The following DNAI7 variants were observed in gnomAD, a reference collection of about 807,000 sequenced individuals.
The protein encoded by DNAI7 is dynein axonemal intermediate chain 7, also known as cancer susceptibility 1.
In DNAI7, 78 loss-of-function variants were observed where a neutral mutation model predicts 86.6. The ratio of observed to expected loss-of-function variants is 0.90; its 90% CI spans 0.75 to 1.09. The LOEUF (loss-of-function observed/expected upper bound fraction) is 1.09, where lower values mean the gene tolerates loss of function less well. DNAI7 is among the 50% of genes least tolerant of loss of function. The pLI, the probability that DNAI7 is intolerant of heterozygous loss-of-function variation, is 0.00. For synonymous variants in DNAI7, 274 were observed against 273.0 expected (o/e 1.00, Z -0.04); for missense variants, 753 against 810.2 (o/e 0.93, Z 0.86).
downstream of DNAI7, chr12:25,107,137 A>G: frequency 1.7e-6 from 1 of 572,416 alleles, no homozygotes; most frequent in Non-Finnish European, 2.9e-6. Flanking sequence ...TAATCAAATT[A>G]CTAAAAGACA....
chr12:25,108,145 T>A, downstream of DNAI7: 2 of 1,466,160 alleles, frequency 1.4e-6, no homozygotes, highest in Non-Finnish European at 9.3e-7. Context: ...GCTGGGAAAG[T>A]ATAGCATGAA....
At chr12:25,174,297 T>A (rs995086342) in intron 2 of DNAI7, among the ~76,000 whole-genome samples, 1 of 142,310 alleles carries the variant, frequency 7.0e-6, no homozygotes, top group African/African-American at 2.6e-5. Context: ...GTCCCAGCTA[T>A]TTATCTTTGT....
intron 2 of DNAI7, among the ~76,000 whole-genome samples, chr12:25,164,115 C>T (rs771735985): frequency 8.5e-5 from 13 of 152,174 alleles, no homozygotes; most frequent in Non-Finnish European, 1.8e-4. Context: ...ACCCCCAACC[C>T]CTTCTCTCCG....
Position 25,158,485 on chromosome 12 carries a change from C to G in DNAI7, c.185G>C (p.Arg62Pro), listed in dbSNP as rs767225323. 2.5e-6 allele frequency: 4 copies of G among 1,611,650 alleles called. No individual in the cohort carries two copies. Among genetic ancestry groups the G allele is most frequent in the Admixed American group, 3.3e-5 (2 of 59,868 alleles). The change falls in exon 4 of 16, where the codon CGA becomes CCA. Residue 62 changes from arginine to proline, a missense_variant. Coordinates refer to ENST00000395987, the MANE Select transcript of DNAI7 (RefSeq NM_018272.5). ...ATGTTTATTTACTTTTGCTTCAAGT[C>G]GATGCCATTTTTCTTTCTCAATTCG... is the stretch of plus-strand genomic sequence containing the variant. ...IQRIEKEKWH[R>P]LEAKDLERRN...
At chr12:25,170,671 A>G (rs1206226108) in intron 2 of DNAI7, among the ~76,000 whole-genome samples, 4 of 152,192 alleles carry the variant, frequency 2.6e-5, no homozygotes, top group African/African-American at 9.7e-5. Context: ...CAACTGCAGA[A>G]TACACATTCT....
chr12:25,107,939 G>A, downstream of DNAI7: 1 of 1,614,142 alleles, frequency 6.2e-7, no homozygotes, highest in Non-Finnish European at 8.5e-7. Flanking sequence ...TTCCTCACAG[G>A]CCAATTATTC....
intron 9 of DNAI7, among the ~76,000 whole-genome samples, chr12:25,135,015 G>A (rs1943376184): frequency 6.6e-6 from 1 of 152,196 alleles, no homozygotes; most frequent in Non-Finnish European, 1.5e-5. Context: ...AACAGTGAGT[G>A]TATGGAGACT....
chr12:25,181,441 C>A (rs945344765), intron 2 of DNAI7, among the ~76,000 whole-genome samples: 13 of 151,980 alleles, frequency 8.6e-5, no homozygotes, highest in Admixed American at 6.6e-4. Context: ...TATAAAAACC[C>A]TAAAAGAAAA....
chr12:25,166,095 C>T (rs1006499448), intron 2 of DNAI7, among the ~76,000 whole-genome samples: 4 of 152,084 alleles, frequency 2.6e-5, no homozygotes, highest in African/African-American at 9.7e-5. Flanking sequence ...CCTTACCATC[C>T]CATTAAAACC....
At chr12:25,168,507 C>T (rs755987885) in intron 2 of DNAI7, among the ~76,000 whole-genome samples, 27 of 152,188 alleles carry the variant, frequency 1.8e-4, no homozygotes, top group Non-Finnish European at 3.7e-4. Context: ...GCATCACAGA[C>T]ATCCCACAAA....
intron 7 of DNAI7, among the ~76,000 whole-genome samples, chr12:25,147,483 C>CCA (rs1945018313): frequency 6.7e-6 from 1 of 150,246 alleles, no homozygotes; most frequent in Non-Finnish European, 1.5e-5. Flanking sequence ...GAGACCACCC[C>CCA]CATCTCTACA....
At chr12:25,144,324 C>T (rs1396693694) in intron 9 of DNAI7, 41 bp downstream of exon 9, 3 of 1,488,694 alleles carry the variant, frequency 2.0e-6, no homozygotes, top group Non-Finnish European at 2.8e-6. Context: ...ATAACGCATG[C>T]TGCATGAATA....
intron 14 of DNAI7, among the ~76,000 whole-genome samples, chr12:25,111,042 A>T (rs1317528499): frequency 6.6e-6 from 1 of 152,122 alleles, no homozygotes; most frequent in Non-Finnish European, 1.5e-5. Context: ...ATATATGTAC[A>T]TACACTTATT....
Position 25,119,139 on chromosome 12 carries a change from CT to C in DNAI7, c.1396+5del, listed in dbSNP as rs1432460146. 1 of 1,588,360 alleles carries C rather than the reference CT, an allele frequency of 6.3e-7. No individual in the cohort carries two copies. The highest frequency in any genetic ancestry group is 1.4e-5 in the African/African-American group (1 of 73,362). On this transcript the variant is annotated splice_donor_5th_base_variant and intron_variant, in intron 12 of 15. Coordinates refer to ENST00000395987, the MANE Select transcript of DNAI7 (RefSeq NM_018272.5). The stretch of plus-strand genomic sequence containing the variant: ...TCCTTTTATTACATAATTATAAAAG[CT>C]GTACCTTCAGCATCCCACCTTACAA...
intron 9 of DNAI7, among the ~76,000 whole-genome samples, chr12:25,129,193 C>T (rs551537321): frequency 1.3e-5 from 2 of 152,164 alleles, no homozygotes; most frequent in Non-Finnish European, 2.9e-5. Flanking sequence ...CAAACAGGCC[C>T]TCCCTAACTA....
downstream of DNAI7, chr12:25,107,138 C>A: frequency 1.8e-6 from 1 of 569,196 alleles, no homozygotes; most frequent in Non-Finnish European, 3.0e-6. Flanking sequence ...AATCAAATTA[C>A]TAAAAGACAT....
intron 1 of DNAI7, among the ~76,000 whole-genome samples, chr12:25,192,271 C>T (rs1210774913): frequency 1.3e-5 from 2 of 152,120 alleles, no homozygotes; most frequent in African/African-American, 2.4e-5. Context: ...TCTCAATTAG[C>T]CATATTTTAA....
At position 25,119,300 on chromosome 12, in the gene DNAI7, A is replaced by G; in HGVS notation, c.1241T>C (p.Ile414Thr). ...GTATTTCTGTAATCCTTCTTTGAGTATCTTTTTAAAATGACCAAAACAACA... is the reference window on the plus strand; with the variant it reads ...GTATTTCTGTAATCCTTCTTTGAGTGTCTTTTTAAAATGACCAAAACAACA... ...KPVKGWMIVE[I>T]LKEGLQKYTY... The change falls in exon 12 of 16, where the codon ATA becomes ACA. Residue 414 changes from isoleucine (I) to threonine (T), a missense_variant and splice_region_variant. Coordinates refer to ENST00000395987, the MANE Select transcript of DNAI7 (RefSeq NM_018272.5). 9.4e-6 allele frequency: 15 copies of G among 1,598,906 alleles called. No homozygotes were observed. Among genetic ancestry groups the G allele is most frequent in the Non-Finnish European group, 1.3e-5 (15 of 1,172,942 alleles).
chr12:25,145,528 A>T (rs541934963), intron 8 of DNAI7, among the ~76,000 whole-genome samples: 1 of 152,284 alleles, frequency 6.6e-6, no homozygotes, highest in East Asian at 1.9e-4. Flanking sequence ...TCTGTACTTG[A>T]CATATTTTAC....
Sources: gnomAD v4.1 joint callset for allele counts (sites outside exome capture counted in the v4.1 genomes callset) on GRCh38, gnomAD v4.1.1 for gene constraint, MANE v1.5 for transcripts, NCBI Gene and HGNC (gene_info 2026-07-23, HGNC 2026-07-21) for gene names.